Variants in BMP7 observed in about 807,000 individuals in gnomAD.
BMP7 encodes bone morphogenetic protein 7, also known as osteogenic protein 1.
Under a neutral mutation model 41.2 loss-of-function variants are expected in BMP7, and 12 were observed. The ratio of observed to expected loss-of-function variants is 0.29; its 90% confidence interval spans 0.19 to 0.47. The LOEUF is 0.47. Ranked by LOEUF, BMP7 falls within the 20% of genes least tolerant of loss-of-function variation. BMP7 has a pLI of 0.99. For missense variants in BMP7, 467 were observed against 606.0 expected (o/e 0.77, Z 2.41); for synonymous variants, 248 against 250.0 (o/e 0.99, Z 0.07).
Position 57,257,841 on chromosome 20 carries a change from A to C in BMP7, c.418+7864T>G, listed in dbSNP as rs567853545. ...CAAGCCACCAAAAAAAAAAAAAAAA[A>C]AAAACTTGCCTGCCTTTGTGTGTGT... On this transcript the variant is annotated intron_variant, in intron 1 of 6. Coordinates refer to ENST00000395863, the MANE Select transcript of BMP7 (RefSeq NM_001719.3). Among the ~76,000 whole-genome samples the C allele has an allele frequency of 4.3e-4, 65 of 152,048 alleles. 2 individuals are homozygous for C. In the South Asian group the frequency reaches 0.013, roughly 31 times the overall value.
chr20:57,196,193 C>T (rs892681662), intron 3 of BMP7, among the ~76,000 whole-genome samples: 10 of 152,274 alleles, frequency 6.6e-5, no homozygotes, highest in African/African-American at 2.2e-4. Context: ...TCTGCAAGGA[C>T]GACAGTCTCC....
rs1247836754 is a variant in BMP7, at chr20:57,266,491, T to G, written c.-369A>C. 6.1e-6 allele frequency: 1 copy of G among 164,312 alleles called. No individual in the cohort carries two copies. Among genetic ancestry groups the G allele is most frequent in the East Asian group, 1.7e-4 (1 of 5,782 alleles). 10.2% of individuals were successfully genotyped at this position (164,312 alleles called of 1,614,324 possible). A position where few individuals can be genotyped will look rare whatever the true frequency, so the allele number is the denominator to read the frequency against. On this transcript the variant is annotated 5_prime_UTR_variant, in exon 1 of 7. Transcript: ENST00000395863. ...AGGAGGCAGGCGGGCGGGCGAGCGCTCCTTCTTCCCGCTCCTCTGGCGCTC... is the reference window on the plus strand; with the variant it reads ...AGGAGGCAGGCGGGCGGGCGAGCGCGCCTTCTTCCCGCTCCTCTGGCGCTC...
At chr20:57,180,444 G>A (rs1297598925) in intron 4 of BMP7, among the ~76,000 whole-genome samples, 1 of 152,096 alleles carries the variant, frequency 6.6e-6, no homozygotes, top group African/African-American at 2.4e-5. Flanking sequence ...TGGACCCAGA[G>A]CTCTCAGCTC....
intron 1 of BMP7, among the ~76,000 whole-genome samples, chr20:57,245,477 G>A (rs2066086481): frequency 1.3e-5 from 2 of 151,542 alleles, no homozygotes; most frequent in African/African-American, 2.4e-5. Flanking sequence ...CTCCCAAAGT[G>A]CTGGAATTAC....
rs533319079 is a variant in BMP7 at position 57,184,470 on chromosome 20, G to A, written c.761-551C>T. On this transcript the variant is annotated intron_variant, in intron 3 of 6. Transcript: ENST00000395863. ...GTGAATGCCCGGAGGCAGGAGCAAG[G>A]AGGGTGTGTTCAAGGGGCAGGGGCA... Among the ~76,000 whole-genome samples the A allele has an allele frequency of 1.1e-4, 17 of 152,266 alleles. No individual in the cohort carries two copies. In the South Asian group the frequency reaches 3.5e-3, roughly 32 times the overall value.
At chr20:57,245,868 G>A (rs1011394364) in intron 1 of BMP7, among the ~76,000 whole-genome samples, 1 of 151,994 alleles carries the variant, frequency 6.6e-6, no homozygotes, top group Non-Finnish European at 1.5e-5. Flanking sequence ...TCGATCTCCT[G>A]ACCTCATGAT....
At chr20:57,209,385 C>T (rs1984829161) in intron 2 of BMP7, among the ~76,000 whole-genome samples, 1 of 151,162 alleles carries the variant, frequency 6.6e-6, no homozygotes, top group South Asian at 2.1e-4. Flanking sequence ...GCGGAGGTTG[C>T]AGTGAGCTGT....
At chr20:57,238,607 C>T (rs1226994747) in intron 1 of BMP7, among the ~76,000 whole-genome samples, 1 of 152,088 alleles carries the variant, frequency 6.6e-6, no homozygotes, top group Non-Finnish European at 1.5e-5. Flanking sequence ...ACATGTCCAC[C>T]ACCATTGTGA....
intron 2 of BMP7, among the ~76,000 whole-genome samples, chr20:57,222,106 C>T (rs929403748): frequency 1.3e-5 from 2 of 152,136 alleles, no homozygotes; most frequent in African/African-American, 4.8e-5. Context: ...GACACCCGCT[C>T]GGCTTCACTG....
intron 1 of BMP7, among the ~76,000 whole-genome samples, chr20:57,232,567 C>G (rs953059033): frequency 1.1e-4 from 16 of 152,122 alleles, no homozygotes; most frequent in Admixed American, 9.8e-4. Flanking sequence ...GCTGCAGGTA[C>G]AACTGTTTTT....
In BMP7 at chr20:57,228,116, AG is replaced by A. The variant is rs2066014640; in HGVS notation, c.611+112del. On this transcript the variant is annotated intron_variant, in intron 2 of 6. Transcript: ENST00000395863. The surrounding 1 kb of genome is among the most constrained non-coding windows in gnomAD (Gnocchi z 4.5). The stretch of plus-strand genomic sequence containing the variant: ...TTCTTTAGAAGGGATAATCTGGTAC[AG>A]GGCCTGGCACGTGGTTGTGCCAATC... The A allele has an allele frequency of 5.9e-6, 7 of 1,180,640 alleles. No homozygotes were observed. The African/African-American group carries it at 7.6e-5, about 13-fold the overall frequency. The allele number at this position is 1,180,640 out of a possible 1,614,324, so 73.1% of individuals were successfully genotyped here.
At chr20:57,180,966 G>T (rs1984066123) in intron 4 of BMP7, among the ~76,000 whole-genome samples, 1 of 152,204 alleles carries the variant, frequency 6.6e-6, no homozygotes, top group Non-Finnish European at 1.5e-5. Flanking sequence ...TAATTTGGGG[G>T]TGGGGCTGCT....
intron 3 of BMP7, among the ~76,000 whole-genome samples, chr20:57,189,335 C>T (rs1229894978): frequency 1.3e-5 from 2 of 152,194 alleles, no homozygotes; most frequent in South Asian, 4.1e-4. Context: ...GACCTCCCAT[C>T]CATCCCCAGG....
chr20:57,189,982 A>T (rs1300751901), intron 3 of BMP7, among the ~76,000 whole-genome samples: 4 of 152,212 alleles, frequency 2.6e-5, no homozygotes, highest in Non-Finnish European at 5.9e-5. Context: ...AGAGTGAGCC[A>T]TGGGAGGTTT....
Position 57,170,605 on chromosome 20 carries a change from G to A in BMP7, c.*354C>T, listed in dbSNP as rs1277864191. The A allele has an allele frequency of 1.4e-5, 5 of 345,086 alleles. No individual in the cohort carries two copies. The highest frequency in any genetic ancestry group is 4.1e-5 in the Admixed American group (1 of 24,386). The allele number at this position is 345,086 out of a possible 1,614,324, so 21.4% of individuals were successfully genotyped here. ...CCTTGCCACGCCCCCTTCCTCCCAC[G>A]GCTGGGTGGCCTGGCTGGTAGGCGC... On this transcript the variant is annotated 3_prime_UTR_variant, in exon 7 of 7. Coordinates refer to ENST00000395863, the MANE Select transcript of BMP7 (RefSeq NM_001719.3).
At chr20:57,197,649 T>C (rs1041054929) in intron 3 of BMP7, among the ~76,000 whole-genome samples, 9 of 152,240 alleles carry the variant, frequency 5.9e-5, no homozygotes, top group Non-Finnish European at 1.3e-4. Context: ...GGCAGGATTA[T>C]TGAGAGAACT....
Position 57,173,308 on chromosome 20 carries a change from G to T in BMP7, c.1038C>A (p.Asp346Glu). Residue 346 changes from aspartate to glutamate, a missense_variant and splice_region_variant, in exon 6 of 7, where the codon GAC (aspartate) becomes GAA (glutamate). This residue lies in a region of BMP7 where 407 missense variants were observed against 485.9 expected (regional missense o/e 0.84). Transcript: ENST00000395863. Reference sequence around the variant, plus strand: ...CGTAGCCTTCAGGCGCGATGATCCAGTCCTGAGGAGGAGAAGAGAGTGTGG... The same window carrying T: ...CGTAGCCTTCAGGCGCGATGATCCATTCCTGAGGAGGAGAAGAGAGTGTGG... ...YVSFRDLGWQ[D>E]WIIAPEGYAA... is the part of the protein sequence containing the mutation. The T allele has an allele frequency of 1.2e-6, 2 of 1,613,688 alleles. No homozygotes were observed. The highest frequency in any genetic ancestry group is 8.5e-7 in the Non-Finnish European group (1 of 1,179,648).
chr20:57,252,256 T>C (rs1419602389), intron 1 of BMP7, among the ~76,000 whole-genome samples: 3 of 152,236 alleles, frequency 2.0e-5, no homozygotes, highest in Non-Finnish European at 2.9e-5. Flanking sequence ...TTTTAAAAAA[T>C]GTACCAGCCA....
chr20:57,212,985 G>A (rs1389198575), intron 2 of BMP7, among the ~76,000 whole-genome samples: 4 of 152,244 alleles, frequency 2.6e-5, no homozygotes, highest in Admixed American at 2.6e-4. Context: ...GAGGTCCAAG[G>A]CTTTTTAAAA....
Sources: allele counts gnomAD v4.1 joint callset (sites outside exome capture counted in the v4.1 genomes callset), GRCh38; gene constraint gnomAD v4.1.1; regional missense constraint gnomAD v4.1.1; non-coding constraint Gnocchi (gnomAD v3.1); transcripts MANE v1.5; gene names NCBI Gene and HGNC (gene_info 2026-07-23, HGNC 2026-07-21).